The following FHDC1 variants were observed in gnomAD, a reference collection of about 807,000 sequenced individuals.
FHDC1 encodes FH2 domain containing 1, also known as FH2 domain-containing protein 1.
A neutral mutation model predicts 52.6 loss-of-function variants in FHDC1; 25 were observed. The ratio of observed to expected loss-of-function variants is 0.48; its 90% CI spans 0.35 to 0.66. The LOEUF (loss-of-function observed/expected upper bound fraction) is 0.66. FHDC1 is among the 30% of genes least tolerant of loss of function. The pLI, the probability that FHDC1 is intolerant of heterozygous loss-of-function variation, is 0.01. For synonymous variants in FHDC1, 616 were observed against 581.5 expected (o/e 1.06, Z -0.85); for missense variants, 1,459 against 1,452.8 (o/e 1.00, Z -0.07).
In FHDC1 at chr4:152,954,214, A is replaced by G; in HGVS notation, c.561-3A>G. On this transcript the variant is annotated splice_region_variant and splice_polypyrimidine_tract_variant and intron_variant, in intron 3 of 11. Coordinates refer to ENST00000511601, the MANE Select transcript of FHDC1 (RefSeq NM_001371116.1). ...ATGGAATGTGATTCATTGTCTTTTC[A>G]AGGTCTCCTCGGTCCATTGTAGAAG... is the stretch of plus-strand genomic sequence containing the variant. 1 of 1,612,178 alleles carries G rather than the reference A, an allele frequency of 6.2e-7. No individual in the cohort carries two copies. The highest frequency in any genetic ancestry group is 8.5e-7 in the Non-Finnish European group (1 of 1,178,294).
chr4:152,975,101 G>A lies in FHDC1; in HGVS notation c.1810G>A (p.Ala604Thr), dbSNP rs1740806824. ...CTCCAGCTTTGCACACAAACCTCAGGCCTCGGGGGGCCAGGAGGAGGCCCC... is the reference window on the plus strand; with the variant it reads ...CTCCAGCTTTGCACACAAACCTCAGACCTCGGGGGGCCAGGAGGAGGCCCC... ...QDSSFAHKPQASGGQEEAPNP... is the reference protein window; with the variant it reads ...QDSSFAHKPQTSGGQEEAPNP... The change falls in exon 12 of 12, where the codon GCC becomes ACC. Residue 604 changes from alanine (A) to threonine (T), a missense_variant. Transcript: ENST00000511601. 1 of 1,612,460 alleles carries A rather than the reference G, an allele frequency of 6.2e-7. No individual in the cohort carries two copies. The highest frequency in any genetic ancestry group is 1.3e-5 in the African/African-American group (1 of 74,914).
chr4:152,939,778 G>A (rs991242513), intron 1 of FHDC1, among the ~76,000 whole-genome samples: 1 of 152,128 alleles, frequency 6.6e-6, no homozygotes, highest in Non-Finnish European at 1.5e-5. Context: ...TCAGAGCTGG[G>A]CACTTGTCAG....
chr4:152,962,078 A>C (rs1740295353), intron 6 of FHDC1, among the ~76,000 whole-genome samples: 2 of 152,186 alleles, frequency 1.3e-5, no homozygotes, highest in African/African-American at 4.8e-5. Context: ...TTATTATTTG[A>C]TAGTATAATT....
the FHDC1 span, among the ~76,000 whole-genome samples, chr4:152,913,704 G>T: frequency 6.6e-6 from 1 of 151,864 alleles, no homozygotes. Flanking sequence ...TTTTGAGACG[G>T]AGTTTCACTC....
the FHDC1 span, among the ~76,000 whole-genome samples, chr4:152,926,986 C>T: frequency 6.6e-6 from 1 of 152,184 alleles, no homozygotes; most frequent in African/African-American, 2.4e-5. Flanking sequence ...GGCTACTTAT[C>T]TAAGAATGGG....
chr4:152,933,139 A>G (rs1739278869), upstream of FHDC1, among the ~76,000 whole-genome samples: 1 of 152,228 alleles, frequency 6.6e-6, no homozygotes, highest in Admixed American at 6.5e-5. Context: ...AGCTGGTCAC[A>G]CTGCCCACTG....
At chr4:152,920,754 TA>T in the FHDC1 span, among the ~76,000 whole-genome samples, 1 of 151,960 alleles carries the variant, frequency 6.6e-6, no homozygotes, top group African/African-American at 2.4e-5. Context: ...AACTTTGGGT[TA>T]AAAAAATAAA....
Position 152,976,534 on chromosome 4 carries a change from G to A in FHDC1, c.3243G>A (p.Lys1081=), listed in dbSNP as rs374308136. 4 of 1,613,148 alleles carry A rather than the reference G, an allele frequency of 2.5e-6. No individual in the cohort carries two copies. Among genetic ancestry groups the A allele is most frequent in the East Asian group, 2.2e-5 (1 of 44,860 alleles). The change falls in exon 12 of 12, where the codon AAG becomes AAA. Residue 1081 remains lysine (K), a synonymous_variant. Transcript: ENST00000511601. ...GGGACCCCGAGGATGCCGCTCCCAA[G>A]GACAGCAGCACTTTGAGGCGAGCCA... ...VKGDPEDAAP[K]DSSTLRRASS... is the part of the protein sequence containing the mutation.
In FHDC1 at chr4:152,975,539, G is replaced by A. The variant is rs150317348; in HGVS notation, c.2248G>A (p.Gly750Arg). 193 of 1,613,654 alleles carry A rather than the reference G, an allele frequency of 1.2e-4. No homozygotes were observed. In the African/African-American group the frequency reaches 2.3e-3, roughly 19 times the overall value. ...EDGKAAPDEP[G>R]SAALGSVGSS... The stretch of plus-strand genomic sequence containing the variant: ...TGGCAAGGCTGCCCCCGATGAGCCT[G>A]GAAGTGCAGCTTTGGGATCTGTGGG... The change falls in exon 12 of 12, where the codon GGA becomes AGA. Residue 750 changes from glycine to arginine, a missense_variant. Transcript: ENST00000511601.
chr4:152,978,072 G>A lies in FHDC1; in HGVS notation c.*1349G>A, dbSNP rs935208836. ...TGGTTGCAGGGCAGGCTTCCCTGCA[G>A]ATGGGTGGCAGCCCCTGGTAGAATG... On this transcript the variant is annotated 3_prime_UTR_variant, in exon 12 of 12. Transcript: ENST00000511601. 9 of 152,404 alleles carry A rather than the reference G, an allele frequency of 5.9e-5. No individual in the cohort carries two copies. The highest frequency in any genetic ancestry group is 1.9e-4 in the African/African-American group (8 of 41,586). The allele number at this position is 152,404 out of a possible 1,614,324, so 9.4% of individuals were successfully genotyped here.
rs145274234 is a variant in FHDC1 at position 152,968,012 on chromosome 4, A to T, written c.1133A>T (p.His378Leu). Residue 378 changes from histidine (H) to leucine (L), a missense_variant, in exon 10 of 12, where the codon CAC becomes CTC. Physicochemically the swap from His to Leu is moderately conservative, Grantham distance 99 (BLOSUM62 -3). This residue lies in a region of FHDC1 where 513 missense variants were observed against 581.5 expected (regional missense o/e 0.88). Transcript: ENST00000511601. The part of the protein sequence containing the change: ...LSLENTEAEL[H>L]LLFVRTKSLK... ...CTGGAGAACACGGAGGCAGAACTGC[A>T]CTTGCTGTTTGTCAGGACAAAATCA... The T allele has an allele frequency of 7.4e-6, 12 of 1,613,870 alleles. No homozygotes were observed. Among genetic ancestry groups the T allele is most frequent in the Admixed American group, 1.7e-5 (1 of 59,996 alleles).
At chr4:152,934,763 G>A (rs1175962296), upstream of FHDC1, among the ~76,000 whole-genome samples, 2 of 152,170 alleles carry the variant, frequency 1.3e-5, no homozygotes, top group African/African-American at 4.8e-5. Flanking sequence ...AAAGGGATGA[G>A]GGGCTGAGAA....
Position 152,957,113 on chromosome 4 carries a change from C to CCAAATAA in FHDC1, c.663+2795_663+2801dup, listed in dbSNP as rs535368268. Among the ~76,000 whole-genome samples the CCAAATAA allele has an allele frequency of 3.9e-5, 6 of 152,232 alleles. 1 individual carries two copies. In the East Asian group the frequency reaches 1.2e-3, roughly 29 times the overall value. The stretch of plus-strand genomic sequence containing the variant: ...GGAAGAGGCCAAGGAGGAGACAGGG[C>CCAAATAA]CAAATAAGAGAGGTTTAGGAATGTG... On this transcript the variant is annotated intron_variant, in intron 4 of 11. Coordinates refer to ENST00000511601, the MANE Select transcript of FHDC1 (RefSeq NM_001371116.1).
chr4:152,952,653 C>G (rs1739962105), intron 2 of FHDC1, among the ~76,000 whole-genome samples: 1 of 152,072 alleles, frequency 6.6e-6, no homozygotes, highest in Non-Finnish European at 1.5e-5. Context: ...GGAGGTTGTG[C>G]ATAGATTATA....
Position 152,949,115 on chromosome 4 carries a change from TAATAATAATAAGAAG to T in FHDC1, c.499-4381_499-4367del, listed in dbSNP as rs1351564117. The stretch of plus-strand genomic sequence containing the variant: ...GTAATAATAATAATAATAATAATAA[TAATAATAATAAGAAG>T]AAGAAGAAGAAGAAGAAGAAGAAGA... On this transcript the variant is annotated intron_variant, in intron 2 of 11. Transcript: ENST00000511601. Among the ~76,000 whole-genome samples the T allele has an allele frequency of 3.9e-3, 300 of 77,150 alleles. 3 individuals are homozygous for T. Among genetic ancestry groups the T allele is most frequent in the African/African-American group, 0.011 (224 of 20,010 alleles). 50.6% of individuals were successfully genotyped at this position (77,150 alleles called of 152,430 possible). A position where few individuals can be genotyped will look rare whatever the true frequency, so the allele number is the denominator to read the frequency against.
rs1226633713 is a variant in FHDC1, at chr4:152,977,056, G to A, written c.*333G>A. On this transcript the variant is annotated 3_prime_UTR_variant, in exon 12 of 12. Coordinates refer to ENST00000511601, the MANE Select transcript of FHDC1 (RefSeq NM_001371116.1). ...CATTCTTATGAAACAAGTCAAAAAA[G>A]TTTTTTTCAGGCCAGTTTTTATATA... 1 of 190,154 alleles carries A rather than the reference G, an allele frequency of 5.3e-6. No individual in the cohort carries two copies. Among genetic ancestry groups the A allele is most frequent in the Non-Finnish European group, 1.0e-5 (1 of 98,334 alleles). The allele number at this position is 190,154 out of a possible 1,614,324, so 11.8% of individuals were successfully genotyped here.
chr4:152,960,478 TAGAAGAA>T, intron 4 of FHDC1, 80 bp from the exon 5 acceptor site: 1 of 1,160,308 alleles, frequency 8.6e-7, no homozygotes, highest in Admixed American at 2.2e-5. Context: ...CCTATTTTTT[TAGAAGAA>T]TTGGAAGATG....
intron 9 of FHDC1, among the ~76,000 whole-genome samples, chr4:152,966,508 G>A (rs1740460359): frequency 6.6e-6 from 1 of 152,072 alleles, no homozygotes; most frequent in Non-Finnish European, 1.5e-5. Flanking sequence ...CACCCAGGCT[G>A]GAGTTCAGTG....
At chr4:152,932,096 A>T (rs6535884), upstream of FHDC1, among the ~76,000 whole-genome samples, 1 of 151,928 alleles carries the variant, frequency 6.6e-6, no homozygotes, top group East Asian at 1.9e-4. Context: ...TCAAAAATGA[A>T]GTATTGGCTG....
Sources: allele counts gnomAD v4.1 joint callset (sites outside exome capture counted in the v4.1 genomes callset), GRCh38; gene constraint gnomAD v4.1.1; regional missense constraint gnomAD v4.1.1; transcripts MANE v1.5; gene names NCBI Gene and HGNC (gene_info 2026-07-23, HGNC 2026-07-21).